The following PTPRD variants were observed in gnomAD, a reference collection of about 807,000 sequenced individuals.
The protein encoded by PTPRD is protein tyrosine phosphatase receptor type D, also known as receptor-type tyrosine-protein phosphatase delta.
Under a neutral mutation model 214.5 loss-of-function variants are expected in PTPRD, and 34 were observed. The ratio of observed to expected loss-of-function variants is 0.16; its 90% CI spans 0.12 to 0.21. The LOEUF (loss-of-function observed/expected upper bound fraction) is 0.21, where lower values mean the gene tolerates loss of function less well. Ranked by LOEUF, PTPRD falls within the 10% of genes least tolerant of loss-of-function variation. The pLI is 1.00. For missense variants in PTPRD, 2,545 were observed against 2,398.7 expected (o/e 1.06, Z -1.27); for synonymous variants, 1,128 against 845.7 (o/e 1.33, Z -5.79).
At chr9:9,371,586 G>A (rs1465835348) in intron 9 of PTPRD, among the ~76,000 whole-genome samples, 2 of 152,026 alleles carry the variant, frequency 1.3e-5, no homozygotes, top group Admixed American at 6.6e-5. Context: ...TTGATTTTTT[G>A]AAGGGTTTTT....
rs180762385 is a variant in PTPRD at position 9,903,280 on chromosome 9, T to C, written c.-368+35227A>G. 4.5e-4 allele frequency among the ~76,000 whole-genome samples: 68 copies of C among 152,218 alleles called. No homozygotes were observed. In the Middle Eastern group the frequency reaches 0.01, roughly 23 times the overall value. On this transcript the variant is annotated intron_variant, in intron 5 of 45. Transcript: ENST00000381196. ...ATTTTTTATTTTCTAATATTGTATG[T>C]GATGAAGAACTCGAGTAGTATTTTA... is the stretch of plus-strand genomic sequence containing the variant.
At chr9:9,508,499 T>A (rs568748908) in intron 8 of PTPRD, among the ~76,000 whole-genome samples, 16 of 151,876 alleles carry the variant, frequency 1.1e-4, no homozygotes, top group Admixed American at 9.9e-4. Context: ...TTTCTCCATA[T>A]ATTTCTCCCC....
intron 11 of PTPRD, among the ~76,000 whole-genome samples, chr9:8,933,200 A>G (rs73434603): frequency 2.6e-5 from 4 of 151,358 alleles, no homozygotes; most frequent in Non-Finnish European, 4.4e-5. Context: ...GGCTGCACCC[A>G]CTCTCTAACC....
chr9:10,158,751 A>T (rs2099109306), intron 3 of PTPRD, among the ~76,000 whole-genome samples: 1 of 152,132 alleles, frequency 6.6e-6, no homozygotes, highest in Non-Finnish European at 1.5e-5. Context: ...TATTGTCTCT[A>T]CACCGTTAAA....
chr9:9,835,080 T>C (rs1229735423), intron 5 of PTPRD, among the ~76,000 whole-genome samples: 2 of 152,108 alleles, frequency 1.3e-5, no homozygotes, highest in Non-Finnish European at 2.9e-5. Flanking sequence ...TAAACTTTTC[T>C]ACTATTTGAT....
intron 11 of PTPRD, among the ~76,000 whole-genome samples, chr9:8,774,154 G>A (rs1426992674): frequency 6.6e-6 from 1 of 152,158 alleles, no homozygotes; most frequent in Admixed American, 6.5e-5. Context: ...ATAATACAGG[G>A]TGTCAAAAAG....
chr9:8,855,161 G>A (rs2154543985), intron 11 of PTPRD, among the ~76,000 whole-genome samples: 1 of 151,730 alleles, frequency 6.6e-6, no homozygotes, highest in Non-Finnish European at 1.5e-5. Context: ...TCTCTAGGAA[G>A]GGTTTGCATA....
chr9:8,612,753 A>T (rs1158120886), intron 14 of PTPRD, among the ~76,000 whole-genome samples: 1 of 152,230 alleles, frequency 6.6e-6, no homozygotes, highest in African/African-American at 2.4e-5. Flanking sequence ...GGGACCACCC[A>T]CATACAAGTG....
chr9:10,218,443 C>A (rs1207394541), intron 3 of PTPRD, among the ~76,000 whole-genome samples: 2 of 151,776 alleles, frequency 1.3e-5, no homozygotes, highest in Non-Finnish European at 2.9e-5. Context: ...GGCAGCATTA[C>A]TTTTGTCACT....
At chr9:9,605,102 CTTCCCAT>C (rs1411325927) in intron 7 of PTPRD, among the ~76,000 whole-genome samples, 1 of 152,040 alleles carries the variant, frequency 6.6e-6, no homozygotes, top group Non-Finnish European at 1.5e-5. Flanking sequence ...AAACATTTCC[CTTCCCAT>C]TTACCCAGTA....
At chr9:8,891,438 AT>A (rs201289782) in intron 11 of PTPRD, among the ~76,000 whole-genome samples, 2,273 of 145,058 alleles carry the variant, frequency 0.016, 47 homozygotes, top group African/African-American at 0.046. Flanking sequence ...GGTCAATCTA[AT>A]TTTTTTTTTT....
rs748403755 is a variant in PTPRD, at chr9:8,517,845, T to C, written c.1543+3A>G. 5 of 1,610,130 alleles carry C rather than the reference T, an allele frequency of 3.1e-6. No homozygotes were observed. In the East Asian group the frequency reaches 8.9e-5, roughly 29 times the overall value. Reference sequence around the variant, plus strand: ...CCCTATTTCCCTCCTCAACCAAACTTACCTCCTGTCTGAGTGATGACTTGT... The same window carrying C: ...CCCTATTTCCCTCCTCAACCAAACTCACCTCCTGTCTGAGTGATGACTTGT... On this transcript the variant is annotated splice_donor_region_variant and intron_variant, in intron 21 of 45. Transcript: ENST00000381196.
intron 5 of PTPRD, among the ~76,000 whole-genome samples, chr9:9,819,242 G>C (rs575110137): frequency 1.3e-5 from 2 of 152,052 alleles, no homozygotes; most frequent in Non-Finnish European, 2.9e-5. Context: ...AGTTTGGCTG[G>C]AGTATCGGCA....
chr9:10,066,152 T>A (rs1017312935), intron 3 of PTPRD, among the ~76,000 whole-genome samples: 1 of 151,920 alleles, frequency 6.6e-6, no homozygotes, highest in African/African-American at 2.4e-5. Flanking sequence ...ACTTTTTTTT[T>A]ATTTTTAAGG....
At chr9:10,485,610 T>A (rs3955146) in intron 2 of PTPRD, among the ~76,000 whole-genome samples, 23,988 of 152,078 alleles carry the variant, frequency 0.16, 2,097 homozygotes, top group Non-Finnish European at 0.2. Flanking sequence ...GTATTTAATT[T>A]TATTTGTGGT....
chr9:9,700,431 T>A (rs1441419925), intron 7 of PTPRD, among the ~76,000 whole-genome samples: 1 of 152,114 alleles, frequency 6.6e-6, no homozygotes, highest in Non-Finnish European at 1.5e-5. Context: ...TATTACACAG[T>A]ATTTCTAGAG....
At chr9:10,583,496 G>C (rs1445223013) in intron 2 of PTPRD, among the ~76,000 whole-genome samples, 1 of 151,414 alleles carries the variant, frequency 6.6e-6, no homozygotes, top group Non-Finnish European at 1.5e-5. Flanking sequence ...CTGTTGCCCA[G>C]GCTGGACTGC....
chr9:9,629,377 T>C (rs2095520471), intron 7 of PTPRD, among the ~76,000 whole-genome samples: 1 of 151,970 alleles, frequency 6.6e-6, no homozygotes, highest in Admixed American at 6.6e-5. Context: ...CCACTTCCTT[T>C]ATTTCAGGAC....
intron 36 of PTPRD, among the ~76,000 whole-genome samples, chr9:8,396,223 A>C (rs1274730224): frequency 6.6e-6 from 1 of 152,138 alleles, no homozygotes; most frequent in Admixed American, 6.6e-5. Flanking sequence ...GAAATTTCCA[A>C]AATGTCATAT....
Sources: gnomAD v4.1 joint callset for allele counts (sites outside exome capture counted in the v4.1 genomes callset) on GRCh38, gnomAD v4.1.1 for gene constraint, MANE v1.5 for transcripts, NCBI Gene and HGNC (gene_info 2026-07-23, HGNC 2026-07-21) for gene names.